Variants in MIPOL1 observed in about 807,000 individuals in gnomAD.
MIPOL1 encodes mirror-image polydactyly gene 1 protein.
In MIPOL1, 57 loss-of-function variants were observed where a neutral mutation model predicts 60.9. The ratio of observed to expected loss-of-function variants is 0.94; its 90% CI spans 0.76 to 1.17. MIPOL1 has a LOEUF of 1.17. Ranked by LOEUF, MIPOL1 falls within the 50% of genes most tolerant of loss-of-function variation. The pLI, the probability that MIPOL1 is intolerant of heterozygous loss-of-function variation, is 0.00. For synonymous variants in MIPOL1, 179 were observed against 168.8 expected, an observed-to-expected ratio of 1.06 and a Z score of -0.47; for missense variants, 551 against 511.6, an observed-to-expected ratio of 1.08 and a Z score of -0.74.
intron 10 of MIPOL1, among the ~76,000 whole-genome samples, chr14:37,370,781 A>G (rs2092617239): frequency 6.6e-6 from 1 of 152,190 alleles, no homozygotes. Context: ...GGAACAAATT[A>G]TAGATTGCTG....
chr14:37,430,776 T>A (rs1289640190), intron 11 of MIPOL1, among the ~76,000 whole-genome samples: 1 of 152,168 alleles, frequency 6.6e-6, no homozygotes, highest in Non-Finnish European at 1.5e-5. Context: ...CACTTACAAA[T>A]GTTTGCTGTC....
At position 37,365,576 on chromosome 14, in the gene MIPOL1, T is replaced by TA. The variant is rs530676997; in HGVS notation, c.829-3941_829-3940insA. Among the ~76,000 whole-genome samples, 36 of 152,268 alleles carry TA rather than the reference T, an allele frequency of 2.4e-4. No homozygotes were observed. In the East Asian group the frequency reaches 6.8e-3, roughly 29 times the overall value. On this transcript the variant is annotated intron_variant, in intron 9 of 12. Transcript: ENST00000684589. ...ATAAATCCCACTTAGTCATGATGCA[T>TA]GATCTTTTTAACGTATTGTTGACCA...
chr14:37,516,503 C>A (rs1382506991), intron 12 of MIPOL1, among the ~76,000 whole-genome samples: 1 of 152,126 alleles, frequency 6.6e-6, no homozygotes, highest in African/African-American at 2.4e-5. Flanking sequence ...TGTTGCCATT[C>A]TCAAGGATGA....
Position 37,349,567 on chromosome 14 carries a change from A to G in MIPOL1, c.829-19950A>G, listed in dbSNP as rs182605323. Among the ~76,000 whole-genome samples, 689 of 152,234 alleles carry G rather than the reference A, an allele frequency of 4.5e-3. 3 individuals are homozygous for G. The highest frequency in any genetic ancestry group is 9.0e-3 in the Admixed American group (138 of 15,288). ...TTGCACTTACTGTTCCTTCTGCTTC[A>G]ACCACTCCTTCCAAAGATATGCAAG... On this transcript the variant is annotated intron_variant, in intron 9 of 12. Coordinates refer to ENST00000684589, the MANE Select transcript of MIPOL1 (RefSeq NM_001388067.1).
chr14:37,210,224 T>C (rs540267645), intron 1 of MIPOL1, among the ~76,000 whole-genome samples: 1 of 152,024 alleles, frequency 6.6e-6, no homozygotes, highest in African/African-American at 2.4e-5. Flanking sequence ...TCTGACACTG[T>C]GTACTTGGAG....
chr14:37,337,243 C>T (rs938189574), intron 9 of MIPOL1, among the ~76,000 whole-genome samples: 1 of 146,822 alleles, frequency 6.8e-6, no homozygotes, highest in Non-Finnish European at 1.5e-5. Flanking sequence ...GATAATCACT[C>T]TCCTCACTGT....
chr14:37,361,480 T>C (rs1370335200), intron 9 of MIPOL1, among the ~76,000 whole-genome samples: 1 of 152,126 alleles, frequency 6.6e-6, no homozygotes, highest in Non-Finnish European at 1.5e-5. Flanking sequence ...TTTGTAGGTC[T>C]CTAAAGACTT....
intron 9 of MIPOL1, among the ~76,000 whole-genome samples, chr14:37,345,153 A>G (rs1160588183): frequency 6.6e-6 from 1 of 152,160 alleles, no homozygotes; most frequent in Non-Finnish European, 1.5e-5. Context: ...GCTGGAGTAC[A>G]GTCATACAGA....
chr14:37,497,988 C>T (rs938962520), intron 11 of MIPOL1, among the ~76,000 whole-genome samples: 1 of 152,092 alleles, frequency 6.6e-6, no homozygotes, highest in African/African-American at 2.4e-5. Flanking sequence ...ACAGGAATAT[C>T]CATAGCAACA....
chr14:37,490,452 G>A (rs1040364319), intron 11 of MIPOL1, among the ~76,000 whole-genome samples: 6 of 152,130 alleles, frequency 3.9e-5, no homozygotes, highest in Non-Finnish European at 5.9e-5. Flanking sequence ...CTTTCCAGGG[G>A]AGTGAACGGT....
rs1254792020 is a variant in MIPOL1 at position 37,548,363 on chromosome 14, A to G, written c.*1392A>G. On this transcript the variant is annotated 3_prime_UTR_variant, in exon 13 of 13. Coordinates refer to ENST00000684589, the MANE Select transcript of MIPOL1 (RefSeq NM_001388067.1). Reference sequence around the variant, plus strand: ...AGATCACAAAAGAATCATAATGCTAACAAACTCTATTTCTTCCTTATTAAA... The same window carrying G: ...AGATCACAAAAGAATCATAATGCTAGCAAACTCTATTTCTTCCTTATTAAA... 6.6e-6 allele frequency: 1 copy of G among 152,036 alleles called. No individual in the cohort carries two copies. The highest frequency in any genetic ancestry group is 1.9e-4 in the East Asian group (1 of 5,198). The allele number at this position is 152,036 out of a possible 1,614,324, so 9.4% of individuals were successfully genotyped here.
rs1210696889 is a variant in MIPOL1 at position 37,319,602 on chromosome 14, TAAACAAGAA to T, written c.828+11091_828+11099del. ...ATTGAGGCAAGAGGTGATGAGGTTC[TAAACAAGAA>T]AAACAAGGAGAGGAATAGATTTGAA... On this transcript the variant is annotated intron_variant, in intron 9 of 12. Transcript: ENST00000684589. Among the ~76,000 whole-genome samples, 12 of 152,258 alleles carry T rather than the reference TAAACAAGAA, an allele frequency of 7.9e-5. 1 individual carries two copies. The highest frequency in any genetic ancestry group is 2.6e-4 in the African/African-American group (11 of 41,570).
chr14:37,486,720 GT>G, intron 11 of MIPOL1, among the ~76,000 whole-genome samples: 1 of 152,096 alleles, frequency 6.6e-6, no homozygotes, highest in East Asian at 1.9e-4. Flanking sequence ...GCTTAAGGAG[GT>G]TTTGGGCTGA....
chr14:37,504,608 T>G (rs1334941969), intron 12 of MIPOL1: 1 of 152,064 alleles, frequency 6.6e-6, no homozygotes, highest in Middle Eastern at 3.2e-3. Context: ...ATTAAAGCAG[T>G]GTTAAGAGGG....
intron 1 of MIPOL1, among the ~76,000 whole-genome samples, chr14:37,237,421 T>C (rs763749457): frequency 6.6e-6 from 1 of 152,116 alleles, no homozygotes. Flanking sequence ...TGAAGATGAC[T>C]TTTTCTTGAT....
intron 12 of MIPOL1, among the ~76,000 whole-genome samples, chr14:37,538,652 G>A (rs1401329313): frequency 6.6e-6 from 1 of 152,112 alleles, no homozygotes; most frequent in African/African-American, 2.4e-5. Context: ...ATCTGGGCTG[G>A]CTGCGATTCA....
chr14:37,277,802 G>T (rs2083793919), intron 6 of MIPOL1: 1 of 151,340 alleles, frequency 6.6e-6, no homozygotes, highest in South Asian at 2.1e-4. Flanking sequence ...ACATAAAGAT[G>T]TGTATACAAA....
chr14:37,309,618 C>G (rs1232961596), intron 9 of MIPOL1, among the ~76,000 whole-genome samples: 1 of 151,940 alleles, frequency 6.6e-6, no homozygotes, highest in African/African-American at 2.4e-5. Flanking sequence ...GTCTCAATGT[C>G]AAGCTTCCCG....
At chr14:37,209,782 C>T (rs547999670) in intron 1 of MIPOL1, among the ~76,000 whole-genome samples, 3 of 152,232 alleles carry the variant, frequency 2.0e-5, no homozygotes, top group African/African-American at 7.2e-5. Flanking sequence ...TGGCTCACTG[C>T]AGCCTTGACC....
Sources: allele counts gnomAD v4.1 joint callset (sites outside exome capture counted in the v4.1 genomes callset), GRCh38; gene constraint gnomAD v4.1.1; transcripts MANE v1.5; gene names NCBI Gene and HGNC (gene_info 2026-07-23, HGNC 2026-07-21).